Variants in TLL1 observed in about 807,000 individuals in gnomAD.
The protein encoded by TLL1 is tolloid like 1.
A neutral mutation model predicts 128.2 loss-of-function variants in TLL1; 49 were observed. The observed-to-expected ratio is 0.38, with a 90% CI of 0.30 to 0.48. The LOEUF is 0.48. Ranked by LOEUF, TLL1 falls within the 20% of genes least tolerant of loss-of-function variation. TLL1 has a pLI of 0.96. For missense variants in TLL1, 1,123 were observed against 1,242.0 expected, an observed-to-expected ratio of 0.90 and a Z score of 1.44; for synonymous variants, 454 against 418.8, an observed-to-expected ratio of 1.08 and a Z score of -1.03.
chr4:166,062,065 C>T (rs559350846), intron 15 of TLL1, among the ~76,000 whole-genome samples: 1 of 152,036 alleles, frequency 6.6e-6, no homozygotes, highest in African/African-American at 2.4e-5. Context: ...CTGTTCTGTT[C>T]CATTGATCTA....
At chr4:165,892,566 A>G (rs1289374600) in intron 1 of TLL1, among the ~76,000 whole-genome samples, 1 of 152,138 alleles carries the variant, frequency 6.6e-6, no homozygotes, top group Non-Finnish European at 1.5e-5. Flanking sequence ...TGAGTTAAGC[A>G]TTGATCCCTT....
At chr4:165,875,372 A>C (rs1270438417) in intron 1 of TLL1, among the ~76,000 whole-genome samples, 1 of 152,132 alleles carries the variant, frequency 6.6e-6, no homozygotes, top group Admixed American at 6.5e-5. Flanking sequence ...GTTCTGACAA[A>C]AAGGGTATGT....
intron 1 of TLL1, among the ~76,000 whole-genome samples, chr4:165,902,850 A>T (rs1418648134): frequency 6.6e-6 from 1 of 152,234 alleles, no homozygotes; most frequent in Admixed American, 6.5e-5. Context: ...ATTCAAAATG[A>T]ATCAGACTTA....
intron 12 of TLL1, among the ~76,000 whole-genome samples, chr4:166,047,235 G>T (rs1185307993): frequency 1.3e-5 from 2 of 151,390 alleles, no homozygotes; most frequent in African/African-American, 4.8e-5. Context: ...CGCGATCTCG[G>T]TTCACTGCAA....
At chr4:166,095,959 C>T (rs1741997446) in intron 19 of TLL1, among the ~76,000 whole-genome samples, 1 of 152,014 alleles carries the variant, frequency 6.6e-6, no homozygotes. Flanking sequence ...ATTTAAAAAG[C>T]ATCTTTTAAA....
intron 1 of TLL1, among the ~76,000 whole-genome samples, chr4:165,915,957 G>T (rs1235012288): frequency 2.0e-5 from 3 of 152,068 alleles, no homozygotes; most frequent in Non-Finnish European, 2.9e-5. Flanking sequence ...GCAAACCCGG[G>T]GTTGCCTTAG....
intron 1 of TLL1, among the ~76,000 whole-genome samples, chr4:165,890,528 C>A (rs1427939211): frequency 6.6e-6 from 1 of 152,224 alleles, no homozygotes; most frequent in Admixed American, 6.5e-5. Context: ...TTAGCCAAAA[C>A]ATAGGGGCTA....
intron 1 of TLL1, among the ~76,000 whole-genome samples, chr4:165,883,785 T>G (rs1374618225): frequency 1.3e-5 from 2 of 152,320 alleles, no homozygotes; most frequent in African/African-American, 2.4e-5. Flanking sequence ...ATTGAGAAGA[T>G]AAATCCCCCC....
chr4:166,055,404 T>C lies in TLL1; in HGVS notation c.1720+133T>C, dbSNP rs867139726. The C allele has an allele frequency of 3.3e-5, 26 of 795,260 alleles. No homozygotes were observed. The Middle Eastern group carries it at 1.1e-3, about 32-fold the overall frequency. The allele number at this position is 795,260 out of a possible 1,614,324, so 49.3% of individuals were successfully genotyped here. On this transcript the variant is annotated intron_variant, in intron 13 of 20. Coordinates refer to ENST00000061240, the MANE Select transcript of TLL1 (RefSeq NM_012464.5). The stretch of plus-strand genomic sequence containing the variant: ...ATGAATAAGGATATTTTGGAGAGTT[T>C]CGATAGAAAAGGTTATTAATAAAAT...
intron 1 of TLL1, among the ~76,000 whole-genome samples, chr4:165,900,772 A>G (rs1731948216): frequency 6.6e-6 from 1 of 152,048 alleles, no homozygotes; most frequent in Non-Finnish European, 1.5e-5. Flanking sequence ...CCTGAATTTG[A>G]ATGTTGGCCT....
intron 1 of TLL1, among the ~76,000 whole-genome samples, chr4:165,974,131 A>ACCTTT (rs1735759000): frequency 1.9e-5 from 1 of 53,880 alleles, no homozygotes; most frequent in Non-Finnish European, 3.8e-5. Context: ...CCTGGACCTC[A>ACCTTT]TCTTTTTTTT....
intron 8 of TLL1, among the ~76,000 whole-genome samples, chr4:166,025,037 G>C (rs1738429168): frequency 6.6e-6 from 1 of 152,040 alleles, no homozygotes; most frequent in Non-Finnish European, 1.5e-5. Flanking sequence ...CTGGCTCCTT[G>C]GAAATGAATG....
intron 1 of TLL1, among the ~76,000 whole-genome samples, chr4:165,933,186 C>T (rs901791722): frequency 1.3e-5 from 2 of 152,150 alleles, no homozygotes; most frequent in Non-Finnish European, 2.9e-5. Context: ...CCTCATTCTG[C>T]ATAATTGTTC....
chr4:165,908,533 T>C (rs1245787391), intron 1 of TLL1, among the ~76,000 whole-genome samples: 2 of 145,264 alleles, frequency 1.4e-5, no homozygotes, highest in Non-Finnish European at 3.0e-5. Flanking sequence ...TAGTGAGCCA[T>C]GGTTGTACTG....
chr4:166,101,177 A>C lies in TLL1; in HGVS notation c.*301A>C. Reference sequence around the variant, plus strand: ...GCTTGAAATAGATGCCTCACAATTCAGACAGTTTAATTCAGGAACTGTGAC... The same window carrying C: ...GCTTGAAATAGATGCCTCACAATTCCGACAGTTTAATTCAGGAACTGTGAC... On this transcript the variant is annotated 3_prime_UTR_variant, in exon 21 of 21. Coordinates refer to ENST00000061240, the MANE Select transcript of TLL1 (RefSeq NM_012464.5). The C allele has an allele frequency of 2.8e-6, 1 of 356,204 alleles. No individual in the cohort carries two copies. The highest frequency in any genetic ancestry group is 2.7e-5 in the South Asian group (1 of 37,430). The allele number at this position is 356,204 out of a possible 1,614,324, so 22.1% of individuals were successfully genotyped here. A position where few individuals can be genotyped will look rare whatever the true frequency, so the allele number is the denominator to read the frequency against.
Position 166,025,451 on chromosome 4 carries a change from C to A in TLL1, c.1158+20C>A. On this transcript the variant is annotated intron_variant, in intron 9 of 20. Coordinates refer to ENST00000061240, the MANE Select transcript of TLL1 (RefSeq NM_012464.5). ...GAGAAGGTAGTTTATACCGTCAAGC[C>A]CACTATTTTATTCTTATATAAGTAC... is the stretch of plus-strand genomic sequence containing the variant. The A allele has an allele frequency of 1.3e-6, 2 of 1,529,926 alleles. No homozygotes were observed. Among genetic ancestry groups the A allele is most frequent in the Non-Finnish European group, 1.8e-6 (2 of 1,103,684 alleles). 94.8% of individuals were successfully genotyped at this position (1,529,926 alleles called of 1,614,324 possible).
rs570402232 is a variant in TLL1, at chr4:166,030,606, C to G, written c.1158+5175C>G. ...TATGTAATGACATGAAGTTTTTACC[C>G]TGTGTTTTCTTCTATGAGTTCTATA... On this transcript the variant is annotated intron_variant, in intron 9 of 20. Transcript: ENST00000061240. 3 of 613,420 alleles carry G rather than the reference C, an allele frequency of 4.9e-6. No homozygotes were observed. The Admixed American group carries it at 1.1e-4, about 23-fold the overall frequency. The allele number at this position is 613,420 out of a possible 1,614,324, so 38.0% of individuals were successfully genotyped here. A position where few individuals can be genotyped will look rare whatever the true frequency, so the allele number is the denominator to read the frequency against.
chr4:166,084,195 A>C (rs1216737606), intron 18 of TLL1, among the ~76,000 whole-genome samples: 1 of 152,058 alleles, frequency 6.6e-6, no homozygotes, highest in African/African-American at 2.4e-5. Context: ...TCTTTTGAGA[A>C]ATGTCTATTC....
Position 165,992,801 on chromosome 4 carries a change from A to T in TLL1, c.281-3A>T. On this transcript the variant is annotated splice_region_variant and splice_polypyrimidine_tract_variant and intron_variant, in intron 2 of 20. Transcript: ENST00000061240. Reference sequence around the variant, plus strand: ...TTTAACTTGTTTCCTTTTATTCTTTAAGGTGGACTTGGAGACCATGCTATG... The same window carrying T: ...TTTAACTTGTTTCCTTTTATTCTTTTAGGTGGACTTGGAGACCATGCTATG... 6.2e-7 allele frequency: 1 copy of T among 1,612,826 alleles called. No homozygotes were observed. The highest frequency in any genetic ancestry group is 8.5e-7 in the Non-Finnish European group (1 of 1,178,970).
Sources: gnomAD v4.1 joint callset for allele counts (sites outside exome capture counted in the v4.1 genomes callset) on GRCh38, gnomAD v4.1.1 for gene constraint, MANE v1.5 for transcripts, NCBI Gene and HGNC (gene_info 2026-07-23, HGNC 2026-07-21) for gene names.